The following AHRR variants were observed in gnomAD, a reference collection of about 807,000 sequenced individuals.
The protein encoded by AHRR is aryl hydrocarbon receptor repressor, also known as ahR repressor.
Under a neutral mutation model 44.0 loss-of-function variants are expected in AHRR, and 28 were observed. The ratio of observed to expected loss-of-function variants is 0.64; its 90% CI spans 0.47 to 0.87. The LOEUF is 0.87. Ranked by LOEUF, AHRR falls within the 40% of genes least tolerant of loss-of-function variation. The pLI is 0.00. For synonymous variants in AHRR, 434 were observed against 407.0 expected, an observed-to-expected ratio of 1.07 and a Z score of -0.80; for missense variants, 990 against 953.9, an observed-to-expected ratio of 1.04 and a Z score of -0.50.
chr5:403,710 G>A (rs1735132670), intron 4 of AHRR: 2 of 880,108 alleles, frequency 2.3e-6, no homozygotes, highest in East Asian at 2.5e-5. Flanking sequence ...TCTCTCAGAG[G>A]CATATTTTTC....
intron 7 of AHRR, among the ~76,000 whole-genome samples, chr5:424,614 T>C (rs1736304217): frequency 6.6e-6 from 1 of 152,176 alleles, no homozygotes; most frequent in South Asian, 2.1e-4. Flanking sequence ...AGTAGGTTTA[T>C]ACTCTAGTTG....
chr5:366,786 G>A (rs1743375162), intron 3 of AHRR, among the ~76,000 whole-genome samples: 1 of 152,220 alleles, frequency 6.6e-6, no homozygotes, highest in Admixed American at 6.5e-5. Context: ...TCGGCTGGAG[G>A]TGCATAACTT....
At chr5:423,638 G>A (rs1390682251) in intron 6 of AHRR, among the ~76,000 whole-genome samples, 3 of 152,192 alleles carry the variant, frequency 2.0e-5, no homozygotes, top group Non-Finnish European at 4.4e-5. Context: ...GCATGCACAT[G>A]TACTAAAAAC....
intron 4 of AHRR, among the ~76,000 whole-genome samples, chr5:412,963 T>C (rs1299278927): frequency 6.6e-6 from 1 of 152,070 alleles, no homozygotes; most frequent in East Asian, 1.9e-4. Flanking sequence ...TTTTTCATAA[T>C]AAAAATCCTT....
At chr5:332,409 G>A (rs942087689) in intron 1 of AHRR, among the ~76,000 whole-genome samples, 7 of 151,654 alleles carry the variant, frequency 4.6e-5, no homozygotes, top group East Asian at 1.9e-4. Context: ...CTGGGACTAC[G>A]GGTGTGCACC....
chr5:361,394 G>T (rs914530054), intron 3 of AHRR, among the ~76,000 whole-genome samples: 1 of 152,238 alleles, frequency 6.6e-6, no homozygotes, highest in Admixed American at 6.5e-5. Flanking sequence ...TATCAGCTTG[G>T]CCTAAGGAGA....
At chr5:372,635 C>T (rs1192017119) in intron 3 of AHRR, among the ~76,000 whole-genome samples, 2 of 152,136 alleles carry the variant, frequency 1.3e-5, no homozygotes, top group African/African-American at 2.4e-5. Context: ...GGCAGGGGTG[C>T]GTGATCTCCA....
chr5:427,739 T>G, intron 7 of AHRR, 68 bp from the exon 8 acceptor site: 1 of 1,612,970 alleles, frequency 6.2e-7, no homozygotes, highest in Non-Finnish European at 8.5e-7. Context: ...CCTTGAGTTC[T>G]GTGTCCTGTG....
chr5:361,633 G>T (rs997248020), intron 3 of AHRR, among the ~76,000 whole-genome samples: 6 of 152,202 alleles, frequency 3.9e-5, no homozygotes, highest in African/African-American at 1.4e-4. Flanking sequence ...GAGGCCTCCA[G>T]GTCTCAGGCG....
In AHRR at chr5:370,222, GA is replaced by G. The variant is rs1166917213; in HGVS notation, c.245-6386del. Among the ~76,000 whole-genome samples the G allele has an allele frequency of 2.0e-5, 3 of 148,742 alleles. No individual in the cohort carries two copies. Among genetic ancestry groups the G allele is most frequent in the African/African-American group, 7.5e-5 (3 of 40,060 alleles). ...GCCCCGTCCTCCCGGGCCCTCGCTGGAAGCCCCGTCCTCCCGGGCCCTCGCT... is the reference window on the plus strand; with the variant it reads ...GCCCCGTCCTCCCGGGCCCTCGCTGGAGCCCCGTCCTCCCGGGCCCTCGCT... On this transcript the variant is annotated intron_variant, in intron 3 of 10. Transcript: ENST00000684583. This position sits in a 1 kb window ranked among gnomAD's most constrained non-coding sequence, Gnocchi z 4.5.
chr5:403,005 A>G (rs1298526297), intron 4 of AHRR, among the ~76,000 whole-genome samples: 6 of 152,114 alleles, frequency 3.9e-5, no homozygotes, highest in Non-Finnish European at 4.4e-5. Flanking sequence ...ATCGAAACAG[A>G]GAGTCAGTGG....
At chr5:345,476 C>G (rs1467839350) in intron 2 of AHRR, among the ~76,000 whole-genome samples, 1 of 92,956 alleles carries the variant, frequency 1.1e-5, no homozygotes, top group East Asian at 3.1e-4. Context: ...ATGTCCCTGG[C>G]TGTGTGTGGG....
chr5:328,592 T>A (rs904816154), intron 1 of AHRR, among the ~76,000 whole-genome samples: 1 of 152,198 alleles, frequency 6.6e-6, no homozygotes, highest in African/African-American at 2.4e-5. Context: ...TAAGATGATA[T>A]CTCATTGTTG....
At chr5:373,816 C>T (rs1409382957) in intron 3 of AHRR, among the ~76,000 whole-genome samples, 10 of 151,138 alleles carry the variant, frequency 6.6e-5, no homozygotes, top group Non-Finnish European at 1.0e-4. Flanking sequence ...GCGCTCCCCG[C>T]GCTCCTGGGG....
intron 3 of AHRR, among the ~76,000 whole-genome samples, chr5:360,544 C>T (rs1334286157): frequency 1.3e-5 from 2 of 152,144 alleles, no homozygotes; most frequent in Non-Finnish European, 2.9e-5. Context: ...GTTGGTAGAA[C>T]TATGGGTGTT....
intron 3 of AHRR, among the ~76,000 whole-genome samples, chr5:366,897 C>G (rs955412322): frequency 7.2e-5 from 11 of 152,278 alleles, no homozygotes; most frequent in Admixed American, 6.5e-4. Context: ...CCATGAAAGC[C>G]AAGGAGTTAC....
chr5:359,477 G>A (rs1423980720), intron 3 of AHRR, among the ~76,000 whole-genome samples: 1 of 152,212 alleles, frequency 6.6e-6, no homozygotes, highest in Non-Finnish European at 1.5e-5. Flanking sequence ...TGCTGACGGG[G>A]CACAGAGGTG....
intron 4 of AHRR, among the ~76,000 whole-genome samples, chr5:407,892 T>C (rs1469112483): frequency 6.6e-6 from 1 of 152,256 alleles, no homozygotes; most frequent in African/African-American, 2.4e-5. Flanking sequence ...TACTATGATG[T>C]CGTCTGCAAA....
At position 436,271 on chromosome 5, in the gene AHRR, C is replaced by CCACCGCA. The variant is rs1560929118; in HGVS notation, c.*1438_*1439insACCGCAC. 1.0e-5 allele frequency: 1 copy of CCACCGCA among 96,256 alleles called. No individual in the cohort carries two copies. The highest frequency in any genetic ancestry group is 2.1e-5 in the Non-Finnish European group (1 of 47,668). The allele number at this position is 96,256 out of a possible 1,614,324, so 6.0% of individuals were successfully genotyped here. On this transcript the variant is annotated 3_prime_UTR_variant, in exon 11 of 11. Transcript: ENST00000684583. The stretch of plus-strand genomic sequence containing the variant: ...GCCCGCGGGTGAGGGACCCACCACC[C>CCACCGCA]CTAGGGACCCACCACCCCGCCGCAC...
Sources: gnomAD v4.1 joint callset for allele counts (sites outside exome capture counted in the v4.1 genomes callset) on GRCh38, gnomAD v4.1.1 for gene constraint, Gnocchi (gnomAD v3.1) non-coding constraint, MANE v1.5 for transcripts, NCBI Gene and HGNC (gene_info 2026-07-23, HGNC 2026-07-21) for gene names.